Variants in MCPH1 observed in about 807,000 individuals in gnomAD.
MCPH1 encodes the protein microcephalin.
A neutral mutation model predicts 84.5 loss-of-function variants in MCPH1; 104 were observed. The observed-to-expected ratio is 1.23, with a 90% CI of 1.05 to 1.45. The LOEUF is 1.45. MCPH1 is among the 40% of genes most tolerant of loss of function. The probability of loss-of-function intolerance (pLI) is 0.00; values close to 1 mark genes in which losing one functional copy is unlikely to be tolerated. For missense variants in MCPH1, 1,498 were observed against 1,005.7 expected (o/e 1.49, Z -6.62); for synonymous variants, 514 against 366.8 (o/e 1.40, Z -4.58).
chr8:6,509,151 A>T, intron 12 of MCPH1: 1 of 1,512,522 alleles, frequency 6.6e-7, no homozygotes, highest in Non-Finnish European at 8.9e-7. Flanking sequence ...ATTCCATTCT[A>T]CAGAAGCGTG....
chr8:6,409,838 G>C (rs1210027714), intron 2 of MCPH1, among the ~76,000 whole-genome samples: 2 of 152,186 alleles, frequency 1.3e-5, no homozygotes, highest in African/African-American at 2.4e-5. Context: ...TGTCAGGCAT[G>C]GTTAGGATGA....
chr8:6,466,719 G>C (rs1334350741), intron 9 of MCPH1, among the ~76,000 whole-genome samples: 1 of 151,808 alleles, frequency 6.6e-6, no homozygotes, highest in African/African-American at 2.4e-5. Context: ...GATTACAGGC[G>C]GCAGCCACCG....
At chr8:6,478,565 A>T (rs760521854) in intron 10 of MCPH1, among the ~76,000 whole-genome samples, 15 of 152,066 alleles carry the variant, frequency 9.9e-5, no homozygotes, top group Non-Finnish European at 1.8e-4. Context: ...TTTTTTCTCC[A>T]CATGGACTTC....
rs571863742 is a variant in MCPH1 at position 6,502,667 on chromosome 8, A to G, written c.2214+2738A>G. 5 of 154,552 alleles carry G rather than the reference A, an allele frequency of 3.2e-5. No homozygotes were observed. In the East Asian group the frequency reaches 9.6e-4, roughly 30 times the overall value. 9.6% of individuals were successfully genotyped at this position (154,552 alleles called of 1,614,324 possible). A position where few individuals can be genotyped will look rare whatever the true frequency, so the allele number is the denominator to read the frequency against. On this transcript the variant is annotated intron_variant, in intron 12 of 13. Coordinates refer to ENST00000344683, the MANE Select transcript of MCPH1 (RefSeq NM_024596.5). ...CCTTTTAATTGTGATAGTGATGGTG[A>G]ATTCAGGACATATGGGTATTTACAC...
chr8:6,559,824 GGTCCACTGCAGTGTGTTTT>G (rs376357880), intron 12 of MCPH1, among the ~76,000 whole-genome samples: 240 of 152,284 alleles, frequency 1.6e-3, no homozygotes, highest in African/African-American at 5.6e-3. Flanking sequence ...AGTAGTGTTT[GGTCCACTGCAGTGTGTTTT>G]GTGTGCTAGC....
intron 11 of MCPH1, among the ~76,000 whole-genome samples, chr8:6,483,842 A>G (rs1400181336): frequency 1.3e-5 from 2 of 151,886 alleles, no homozygotes; most frequent in East Asian, 3.9e-4. Context: ...CCTGGGTGAC[A>G]GAGAGACACC....
intron 12 of MCPH1, chr8:6,508,876 C>CGGAAA (rs770728126): frequency 8.1e-6 from 13 of 1,612,144 alleles, no homozygotes; most frequent in Non-Finnish European, 1.0e-5. Context: ...CCAGCCTTTC[C>CGGAAA]CTCTATGAAA....
chr8:6,567,663 C>A (rs2442548), intron 12 of MCPH1, among the ~76,000 whole-genome samples: 2 of 151,958 alleles, frequency 1.3e-5, no homozygotes, highest in Non-Finnish European at 2.9e-5. Context: ...AATGGGAGGC[C>A]CTTGAAGGCA....
At chr8:6,429,907 C>T (rs1801596789) in intron 3 of MCPH1, among the ~76,000 whole-genome samples, 1 of 152,184 alleles carries the variant, frequency 6.6e-6, no homozygotes, top group Non-Finnish European at 1.5e-5. Context: ...GGTCCAAGCT[C>T]ATTAGCTTAG....
intron 13 of MCPH1, chr8:6,627,281 G>T: frequency 1.0e-6 from 1 of 985,498 alleles, no homozygotes; most frequent in Non-Finnish European, 1.2e-6. Context: ...TAAGGAACCA[G>T]TCGCAGAGAG....
chr8:6,513,733 C>G, intron 12 of MCPH1: 1 of 1,614,086 alleles, frequency 6.2e-7, no homozygotes, highest in Non-Finnish European at 8.5e-7. Flanking sequence ...GAGTAAGCCT[C>G]ATTCCCTTCC....
At chr8:6,416,614 A>T (rs551119863) in intron 3 of MCPH1, among the ~76,000 whole-genome samples, 3 of 152,150 alleles carry the variant, frequency 2.0e-5, no homozygotes, top group African/African-American at 7.2e-5. Context: ...GGTGTAATTG[A>T]GGGGTTTTGT....
At chr8:6,453,171 T>C (rs1422527077) in intron 8 of MCPH1, among the ~76,000 whole-genome samples, 2 of 152,146 alleles carry the variant, frequency 1.3e-5, no homozygotes, top group Non-Finnish European at 2.9e-5. Flanking sequence ...TAGGTGTTTG[T>C]TTACAGACCT....
intron 8 of MCPH1, 104 bp from the exon 9 acceptor site, chr8:6,455,039 A>G (rs1033212419): frequency 2.3e-6 from 2 of 869,998 alleles, no homozygotes; most frequent in Non-Finnish European, 2.0e-6. Flanking sequence ...TAAAAGGCCT[A>G]TAACTTCCTG....
chr8:6,438,872 GGTT>G, intron 5 of MCPH1, 78 bp from the exon 6 acceptor site: 1 of 1,301,984 alleles, frequency 7.7e-7, no homozygotes, highest in Non-Finnish European at 1.1e-6. Flanking sequence ...GGGTGTGGGG[GGTT>G]GTTCTTTAAA....
intron 13 of MCPH1, chr8:6,624,870 T>C: frequency 1.0e-6 from 1 of 983,578 alleles, no homozygotes. Context: ...AAACAAATCA[T>C]ATACTTTTTT....
At chr8:6,517,043 A>G (rs1221251359) in intron 12 of MCPH1, among the ~76,000 whole-genome samples, 1 of 152,250 alleles carries the variant, frequency 6.6e-6, no homozygotes, top group Non-Finnish European at 1.5e-5. Flanking sequence ...AAACTGGAGT[A>G]TTATGGTTAA....
intron 12 of MCPH1, among the ~76,000 whole-genome samples, chr8:6,617,416 T>C (rs768236274): frequency 6.6e-6 from 1 of 151,874 alleles, no homozygotes; most frequent in Non-Finnish European, 1.5e-5. Context: ...AAAGTTATGA[T>C]TTTTAAAAAA....
chr8:6,613,793 C>G (rs951866804), intron 12 of MCPH1, among the ~76,000 whole-genome samples: 7 of 152,012 alleles, frequency 4.6e-5, no homozygotes, highest in African/African-American at 1.7e-4. Context: ...GTGGAGCTGG[C>G]TTGTGGACGG....
Sources: allele counts gnomAD v4.1 joint callset (sites outside exome capture counted in the v4.1 genomes callset), GRCh38; gene constraint gnomAD v4.1.1; transcripts MANE v1.5; gene names NCBI Gene and HGNC (gene_info 2026-07-23, HGNC 2026-07-21).